COBL: variants seen among roughly 807,000 people sequenced by gnomAD.
COBL encodes protein cordon-bleu.
Under a neutral mutation model 98.8 loss-of-function variants are expected in COBL, and 51 were observed. The observed-to-expected ratio is 0.52, with a 90% CI of 0.41 to 0.65. The LOEUF is 0.65. Among genes scored for constraint, COBL ranks in the 30% least tolerant of loss-of-function variants. The pLI, the probability that COBL is intolerant of heterozygous loss-of-function variation, is 0.00. For synonymous variants in COBL, 634 were observed against 651.7 expected, an observed-to-expected ratio of 0.97 and a Z score of 0.41; for missense variants, 1,617 against 1,617.5, an observed-to-expected ratio of 1.00 and a Z score of 0.01.
intron 5 of COBL, among the ~76,000 whole-genome samples, chr7:51,142,675 C>T (rs540651095): frequency 1.3e-5 from 2 of 152,228 alleles, no homozygotes; most frequent in African/African-American, 2.4e-5. Context: ...TGAGCTACAG[C>T]GCCCGAGCTG....
At chr7:51,110,615 G>C (rs1796736629) in intron 6 of COBL, among the ~76,000 whole-genome samples, 1 of 152,152 alleles carries the variant, frequency 6.6e-6, no homozygotes, top group African/African-American at 2.4e-5. Context: ...TGTGATCTGT[G>C]AGGTTTTGGT....
chr7:51,218,965 T>C (rs546427729), intron 2 of COBL, among the ~76,000 whole-genome samples: 1 of 152,340 alleles, frequency 6.6e-6, no homozygotes, highest in East Asian at 1.9e-4. Context: ...TTATTATACA[T>C]TGGGTTATCA....
chr7:51,160,746 C>T (rs904288999), intron 5 of COBL, among the ~76,000 whole-genome samples: 1 of 152,276 alleles, frequency 6.6e-6, no homozygotes, highest in Middle Eastern at 3.4e-3. Flanking sequence ...TTTCCCTTTA[C>T]ACAGAAGATC....
At position 51,219,865 on chromosome 7, in the gene COBL, G is replaced by C. The variant is rs368613191; in HGVS notation, c.121C>G (p.His41Asp). The change falls in exon 2 of 13, where the codon CAC (histidine) becomes GAC (aspartate). Residue 41 changes from histidine (H) to aspartate (D), a missense_variant. Physicochemically the swap from His to Asp is moderately conservative, Grantham distance 81. This residue lies in a region of COBL where 238 missense variants were observed against 215.0 expected (regional missense o/e 1.11). Transcript: ENST00000265136. ...TGCTGCGACCCGAGGGCCCCATCGT[G>C]GGGGGGCTTCTGGTCACTGTGCACA... ...LHVHSDQKPPHDGALGSQQNL... is the reference protein window; with the variant it reads ...LHVHSDQKPPDDGALGSQQNL... 5.0e-5 allele frequency: 81 copies of C among 1,613,430 alleles called. No individual in the cohort carries two copies. The South Asian group carries it at 5.2e-4, about 10-fold the overall frequency.
intron 1 of COBL, among the ~76,000 whole-genome samples, chr7:51,295,068 C>A (rs1018027199): frequency 6.6e-6 from 1 of 151,992 alleles, no homozygotes; most frequent in Non-Finnish European, 1.5e-5. Flanking sequence ...AGGCAGATCA[C>A]CTGAGGTCAG....
intron 1 of COBL, among the ~76,000 whole-genome samples, chr7:51,301,740 A>T (rs1200537735): frequency 6.6e-6 from 1 of 152,168 alleles, no homozygotes; most frequent in Non-Finnish European, 1.5e-5. Flanking sequence ...GCGCAGATCC[A>T]GGCATCTAAG....
chr7:51,029,407 ATTG>A lies in COBL; in HGVS notation c.1686_1688del (p.Asn563del), dbSNP rs1181719690. ...CACCCTCCGAGTCGAAAGACCCAGC[ATTG>A]TTGTTTCTATTGGAAAACAACCCCG... On this transcript the variant is annotated inframe_deletion, in exon 10 of 13. Transcript: ENST00000265136. 1 of 1,614,112 alleles carries A rather than the reference ATTG, an allele frequency of 6.2e-7. No individual in the cohort carries two copies. Among genetic ancestry groups the A allele is most frequent in the African/African-American group, 1.3e-5 (1 of 75,050 alleles).
rs1787227774 is a variant in COBL, at chr7:51,165,511, TA to T, written c.783+18590del. 2.0e-5 allele frequency among the ~76,000 whole-genome samples: 3 copies of T among 151,946 alleles called. No homozygotes were observed. In the South Asian group the frequency reaches 6.2e-4, roughly 32 times the overall value. ...AAGAGAGAGATAGGACCCAATAAAA[TA>T]ATATCTGGAGATTTCAACACCCCAA... On this transcript the variant is annotated intron_variant, in intron 5 of 12. Transcript: ENST00000265136.
intron 1 of COBL, among the ~76,000 whole-genome samples, chr7:51,254,886 T>C (rs767647498): frequency 6.6e-6 from 1 of 152,240 alleles, no homozygotes; most frequent in Non-Finnish European, 1.5e-5. Context: ...ATAAATGTGG[T>C]TGATGTACTG....
chr7:51,153,947 T>C (rs1014790383), intron 5 of COBL, among the ~76,000 whole-genome samples: 3 of 152,192 alleles, frequency 2.0e-5, no homozygotes, highest in East Asian at 1.9e-4. Context: ...CAGACTGGCC[T>C]GTAGAGACCT....
chr7:51,077,427 T>C (rs986392989), intron 7 of COBL, among the ~76,000 whole-genome samples: 6 of 152,162 alleles, frequency 3.9e-5, no homozygotes, highest in African/African-American at 1.4e-4. Flanking sequence ...GTCCTGACCA[T>C]GACAGCCAGG....
At chr7:51,218,167 C>A (rs1793278098) in intron 2 of COBL, among the ~76,000 whole-genome samples, 1 of 152,204 alleles carries the variant, frequency 6.6e-6, no homozygotes, top group Non-Finnish European at 1.5e-5. Flanking sequence ...AGGCCTCGAG[C>A]AATGCTCCCC....
chr7:51,120,408 T>TA (rs1453180332), intron 6 of COBL, among the ~76,000 whole-genome samples: 1 of 152,196 alleles, frequency 6.6e-6, no homozygotes, highest in Admixed American at 6.5e-5. Context: ...CATATTTAAG[T>TA]AAAAAGATCT....
At chr7:51,094,138 A>C (rs1795070796) in intron 6 of COBL, among the ~76,000 whole-genome samples, 1 of 152,088 alleles carries the variant, frequency 6.6e-6, no homozygotes, top group Non-Finnish European at 1.5e-5. Flanking sequence ...AAAGAGACAA[A>C]TACTGTATGT....
chr7:51,173,520 T>C (rs10281403), intron 5 of COBL, among the ~76,000 whole-genome samples: 60 of 152,316 alleles, frequency 3.9e-4, no homozygotes, highest in African/African-American at 1.2e-3. Context: ...AGCTAATTCA[T>C]TGGGTGTACA....
intron 5 of COBL, 26 bp downstream of exon 5, chr7:51,184,076 A>G (rs1173196456): frequency 8.5e-7 from 1 of 1,175,964 alleles, no homozygotes; most frequent in South Asian, 1.5e-5. Flanking sequence ...CATGATACAA[A>G]ATCATATGTG....
chr7:51,229,499 T>C (rs1365811350), intron 1 of COBL, among the ~76,000 whole-genome samples: 2 of 152,162 alleles, frequency 1.3e-5, no homozygotes, highest in Non-Finnish European at 2.9e-5. Flanking sequence ...TCCACCACCT[T>C]CTTGGAGTTT....
intron 6 of COBL, among the ~76,000 whole-genome samples, chr7:51,119,695 T>G (rs183732322): frequency 6.6e-6 from 1 of 152,340 alleles, no homozygotes; most frequent in East Asian, 1.9e-4. Flanking sequence ...ATTATTTAGA[T>G]GTTCACCAAA....
intron 7 of COBL, among the ~76,000 whole-genome samples, chr7:51,084,263 C>A (rs1323226268): frequency 6.6e-6 from 1 of 152,128 alleles, no homozygotes; most frequent in African/African-American, 2.4e-5. Flanking sequence ...GACTTTCCCT[C>A]CTGCAGCTGC....
Sources: allele counts gnomAD v4.1 joint callset (sites outside exome capture counted in the v4.1 genomes callset), GRCh38; gene constraint gnomAD v4.1.1; regional missense constraint gnomAD v4.1.1; transcripts MANE v1.5; gene names NCBI Gene and HGNC (gene_info 2026-07-23, HGNC 2026-07-21).